MRPL35: variants seen among roughly 807,000 people sequenced by gnomAD.
The protein encoded by MRPL35 is mitochondrial ribosomal protein L35, also known as large ribosomal subunit protein bL35m.
Under a neutral mutation model 21.6 loss-of-function variants are expected in MRPL35, and 18 were observed. The ratio of observed to expected loss-of-function variants is 0.83; its 90% confidence interval spans 0.58 to 1.24. The LOEUF (loss-of-function observed/expected upper bound fraction) is 1.24. Among genes scored for constraint, MRPL35 ranks in the 50% most tolerant of loss-of-function variants. The probability of loss-of-function intolerance (pLI) is 0.00; values close to 1 mark genes in which losing one functional copy is unlikely to be tolerated. For synonymous variants in MRPL35, 87 were observed against 86.9 expected (o/e 1.00, Z -0.01); for missense variants, 223 against 223.2 (o/e 1.00, Z 0.01).
chr2:86,204,247 G>A (rs146518386), intron 1 of MRPL35, among the ~76,000 whole-genome samples: 127 of 152,140 alleles, frequency 8.3e-4, no homozygotes, highest in African/African-American at 2.9e-3. Flanking sequence ...GCCTCCCAAA[G>A]TGCTAGGATT....
intron 1 of MRPL35, among the ~76,000 whole-genome samples, chr2:86,202,159 C>G (rs546726202): frequency 6.6e-6 from 1 of 152,192 alleles, no homozygotes; most frequent in Non-Finnish European, 1.5e-5. Flanking sequence ...CACCAGAAGG[C>G]GCAGTAGATA....
rs200309098 is a variant in MRPL35, at chr2:86,210,607, G to A, written c.506G>A (p.Arg169Gln). ...ATGACGACGTCCTTCTGGAAGAGGC[G>A]AAACTGGTACGTTGATGATCCTTAT... is the stretch of plus-strand genomic sequence containing the variant. ...DKMTTSFWKR[R>Q]NWYVDDPYQK... The change falls in exon 4 of 4, where the codon CGA (arginine) becomes CAA (glutamine). Residue 169 changes from arginine (R) to glutamine (Q), a missense_variant. Transcript: ENST00000337109. 1.3e-4 allele frequency: 217 copies of A among 1,613,794 alleles called. No individual in the cohort carries two copies. Among genetic ancestry groups the A allele is most frequent in the Non-Finnish European group, 1.6e-4 (191 of 1,179,818 alleles).
intron 3 of MRPL35, among the ~76,000 whole-genome samples, chr2:86,208,587 A>G (rs1232938901): frequency 6.6e-6 from 1 of 152,186 alleles, no homozygotes. Context: ...GATTACAGGC[A>G]TGGGCCGTGA....
chr2:86,207,268 G>T lies in MRPL35; in HGVS notation c.319G>T (p.Val107Leu), dbSNP rs774402778. Reference sequence around the variant, plus strand: ...TGCAAGAAAAGGCAAGAGAAAGACCGTGAAAGCTGTCATCGATAGGTTTCT... The same window carrying T: ...TGCAAGAAAAGGCAAGAGAAAGACCTTGAAAGCTGTCATCGATAGGTTTCT... ...FSARKGKRKT[V>L]KAVIDRFLRL... Residue 107 changes from valine (V) to leucine (L), a missense_variant, in exon 3 of 4, where the codon GTG (valine) becomes TTG (leucine). Coordinates refer to ENST00000337109, the MANE Select transcript of MRPL35 (RefSeq NM_016622.4). 6.2e-7 allele frequency: 1 copy of T among 1,614,014 alleles called. No homozygotes were observed. The highest frequency in any genetic ancestry group is 8.5e-7 in the Non-Finnish European group (1 of 1,179,928).
intron 1 of MRPL35, among the ~76,000 whole-genome samples, chr2:86,201,986 A>T (rs1673694727): frequency 6.6e-6 from 1 of 152,244 alleles, no homozygotes; most frequent in Non-Finnish European, 1.5e-5. Flanking sequence ...AAACATCTGT[A>T]TTCTCTATAC....
intron 3 of MRPL35, among the ~76,000 whole-genome samples, chr2:86,209,433 A>C (rs1673859995): frequency 6.6e-6 from 1 of 152,220 alleles, no homozygotes; most frequent in African/African-American, 2.4e-5. Flanking sequence ...ATGGCACCTA[A>C]GATCCCTTCT....
In MRPL35 at chr2:86,212,962, T is replaced by A; in HGVS notation, c.*2294T>A. On this transcript the variant is annotated 3_prime_UTR_variant, in exon 4 of 4. Transcript: ENST00000337109. ...CAGCATATCTACAAAACTGGGTACA[T>A]ACATACTGTCTAACTGCTAATCCAC... 1.4e-6 allele frequency: 1 copy of A among 690,908 alleles called. No homozygotes were observed. The highest frequency in any genetic ancestry group is 1.8e-6 in the Non-Finnish European group (1 of 561,328). 42.8% of individuals were successfully genotyped at this position (690,908 alleles called of 1,614,324 possible). A position where few individuals can be genotyped will look rare whatever the true frequency, so the allele number is the denominator to read the frequency against.
Position 86,213,650 on chromosome 2 carries a change from A to G in MRPL35, c.*2982A>G, listed in dbSNP as rs1023387053. 2 of 1,550,556 alleles carry G rather than the reference A, an allele frequency of 1.3e-6. No individual in the cohort carries two copies. The highest frequency in any genetic ancestry group is 2.0e-5 in the Admixed American group (1 of 51,002). On this transcript the variant is annotated 3_prime_UTR_variant, in exon 4 of 4. Transcript: ENST00000337109. ...CAGGCACTCCCCCATTTGCAGATGA[A>G]GAAATGTTCAGAGAAGAAAAATGAT...
At chr2:86,201,927 T>C (rs766048847) in intron 1 of MRPL35, among the ~76,000 whole-genome samples, 4 of 152,224 alleles carry the variant, frequency 2.6e-5, no homozygotes, top group Non-Finnish European at 5.9e-5. Flanking sequence ...ATTCCCTCTG[T>C]CTCTTCGTAC....
In MRPL35 at chr2:86,205,596, G is replaced by T. The variant is rs545465650; in HGVS notation, c.44-510G>T. 2.2e-4 allele frequency among the ~76,000 whole-genome samples: 34 copies of T among 152,356 alleles called. 1 individual carries two copies. Among genetic ancestry groups the T allele is most frequent in the African/African-American group, 8.2e-4 (34 of 41,594 alleles). ...TTTCAGTCCCCATGCCTTTGCTTAT[G>T]TTGTTCGTCCTACCTGAAATGTGCT... On this transcript the variant is annotated intron_variant, in intron 1 of 3. Transcript: ENST00000337109.
chr2:86,200,897 C>T (rs1045245304), intron 1 of MRPL35, among the ~76,000 whole-genome samples: 9 of 152,190 alleles, frequency 5.9e-5, no homozygotes, highest in Admixed American at 4.6e-4. Context: ...AACTCCTGAC[C>T]TCAGGTGATC....
intron 3 of MRPL35, 135 bp from the exon 4 acceptor site, chr2:86,210,345 T>C (rs1673878595): frequency 4.8e-6 from 1 of 209,632 alleles, no homozygotes; most frequent in Admixed American, 8.2e-5. Context: ...GAGAATCACA[T>C]CTTTCCAAGA....
At chr2:86,200,002 A>G (rs952977773) in intron 1 of MRPL35, among the ~76,000 whole-genome samples, 55 of 152,200 alleles carry the variant, frequency 3.6e-4, no homozygotes, top group Non-Finnish European at 7.5e-4. Context: ...ACACATGGTA[A>G]GCTTGAAGGC....
chr2:86,206,745 G>A (rs1673802442), intron 2 of MRPL35, among the ~76,000 whole-genome samples: 1 of 152,194 alleles, frequency 6.6e-6, no homozygotes, highest in Non-Finnish European at 1.5e-5. Context: ...CATGGAGGCT[G>A]TCATCCAAAG....
Position 86,212,504 on chromosome 2 carries a change from A to G in MRPL35, c.*1836A>G, listed in dbSNP as rs572870297. 1.9e-6 allele frequency: 3 copies of G among 1,607,130 alleles called. No homozygotes were observed. The highest frequency in any genetic ancestry group is 2.5e-6 in the Non-Finnish European group (3 of 1,177,196). On this transcript the variant is annotated 3_prime_UTR_variant, in exon 4 of 4. Transcript: ENST00000337109. ...CCTGCTCTCTGATGTACCTCTGGGT[A>G]GTGAGATGGAAATGGTGCCTGCAGA... is the stretch of plus-strand genomic sequence containing the variant.
At chr2:86,210,381 G>T in intron 3 of MRPL35, 99 bp from the exon 4 acceptor site, 1 of 837,270 alleles carries the variant, frequency 1.2e-6, no homozygotes, top group East Asian at 4.4e-5. Context: ...ATGGAAGTCT[G>T]GTTTTTGTTC....
rs777061097 is a variant in MRPL35 at position 86,210,925 on chromosome 2, C to G, written c.*257C>G. The G allele has an allele frequency of 7.1e-5, 78 of 1,097,748 alleles. No individual in the cohort carries two copies. Among genetic ancestry groups the G allele is most frequent in the Admixed American group, 9.8e-5 (2 of 20,372 alleles). The allele number at this position is 1,097,748 out of a possible 1,614,324, so 68.0% of individuals were successfully genotyped here. A position where few individuals can be genotyped will look rare whatever the true frequency, so the allele number is the denominator to read the frequency against. On this transcript the variant is annotated 3_prime_UTR_variant, in exon 4 of 4. Coordinates refer to ENST00000337109, the MANE Select transcript of MRPL35 (RefSeq NM_016622.4). ...CTTAACTAGTTGTTTCAGTTATGCTCTTTTAGTTGCAAGGAATCTCAAGTG... is the reference window on the plus strand; with the variant it reads ...CTTAACTAGTTGTTTCAGTTATGCTGTTTTAGTTGCAAGGAATCTCAAGTG...
chr2:86,211,683 T>C lies in MRPL35; in HGVS notation c.*1015T>C. ...TTGAAAGATAGGTATTTATTTTTTC[T>C]AGAGACAGGAGTTTTGCTCTGTTGC... On this transcript the variant is annotated 3_prime_UTR_variant, in exon 4 of 4. Coordinates refer to ENST00000337109, the MANE Select transcript of MRPL35 (RefSeq NM_016622.4). 1.0e-6 allele frequency: 1 copy of C among 985,384 alleles called. No individual in the cohort carries two copies. Among genetic ancestry groups the C allele is most frequent in the Non-Finnish European group, 1.2e-6 (1 of 829,868 alleles). The allele number at this position is 985,384 out of a possible 1,614,324, so 61.0% of individuals were successfully genotyped here. A position where few individuals can be genotyped will look rare whatever the true frequency, so the allele number is the denominator to read the frequency against.
Position 86,211,383 on chromosome 2 carries a change from C to A in MRPL35, c.*715C>A. On this transcript the variant is annotated 3_prime_UTR_variant, in exon 4 of 4. Coordinates refer to ENST00000337109, the MANE Select transcript of MRPL35 (RefSeq NM_016622.4). Reference sequence around the variant, plus strand: ...ATACTAGGTCTGGTTGGGTCATTGTCTAGAGTAGGGATTGGCTGTCCTTAA... The same window carrying A: ...ATACTAGGTCTGGTTGGGTCATTGTATAGAGTAGGGATTGGCTGTCCTTAA... 2.0e-6 allele frequency: 2 copies of A among 984,206 alleles called. No individual in the cohort carries two copies. The highest frequency in any genetic ancestry group is 2.4e-6 in the Non-Finnish European group (2 of 828,882). 61.0% of individuals were successfully genotyped at this position (984,206 alleles called of 1,614,324 possible). A position where few individuals can be genotyped will look rare whatever the true frequency, so the allele number is the denominator to read the frequency against.
Sources: gnomAD v4.1 joint callset for allele counts (sites outside exome capture counted in the v4.1 genomes callset) on GRCh38, gnomAD v4.1.1 for gene constraint, MANE v1.5 for transcripts, NCBI Gene and HGNC (gene_info 2026-07-23, HGNC 2026-07-21) for gene names.